RPS6KA3: variants seen among roughly 807,000 people sequenced by gnomAD.
RPS6KA3 encodes the protein ribosomal protein S6 kinase alpha-3.
Under a neutral mutation model 67.2 loss-of-function variants are expected in RPS6KA3, and 4 were observed. The ratio of observed to expected loss-of-function variants is 0.06; its 90% CI spans 0.03 to 0.14. The LOEUF (loss-of-function observed/expected upper bound fraction) is 0.14, where lower values mean the gene tolerates loss of function less well. Among genes scored for constraint, RPS6KA3 ranks in the 10% least tolerant of loss-of-function variants. RPS6KA3 has a pLI of 1.00. For missense variants in RPS6KA3, 204 were observed against 559.0 expected (o/e 0.36, Z 6.40); for synonymous variants, 182 against 183.7 (o/e 0.99, Z 0.07).
chrX:20,212,210 G>A (rs2068733518), intron 2 of RPS6KA3, among the ~76,000 whole-genome samples: 1 of 111,747 alleles, frequency 8.9e-6, no homozygotes, highest in Non-Finnish European at 1.9e-5. Flanking sequence ...AAAAAATGCA[G>A]AGTCTGGCTG....
At chrX:20,223,896 T>C (rs2069046468) in intron 2 of RPS6KA3, among the ~76,000 whole-genome samples, 1 of 112,395 alleles carries the variant, frequency 8.9e-6, no homozygotes, top group South Asian at 3.7e-4. Context: ...TTATATTTAA[T>C]TCCTTCCTCT....
chrX:20,208,356 CCT>C (rs1405193061), intron 3 of RPS6KA3, among the ~76,000 whole-genome samples: 1 of 110,558 alleles, frequency 9.0e-6, no homozygotes, highest in Admixed American at 9.6e-5. Context: ...CAGAAGTGCC[CCT>C]GAGGTGTGCA....
At chrX:20,256,553 ATTTTG>A (rs1213507730) in intron 1 of RPS6KA3, among the ~76,000 whole-genome samples, 5 of 111,769 alleles carry the variant, frequency 4.5e-5, no homozygotes, top group Non-Finnish European at 7.5e-5. Context: ...AACGTTAGAC[ATTTTG>A]TTTTATTTGT....
intron 2 of RPS6KA3, among the ~76,000 whole-genome samples, chrX:20,217,714 CTAAAT>C (rs1164394926): frequency 8.9e-6 from 1 of 111,948 alleles, no homozygotes; most frequent in Non-Finnish European, 1.9e-5. Flanking sequence ...AAATGTCATT[CTAAAT>C]TAAACTATCA....
chrX:20,223,805 T>A (rs2069043987), intron 2 of RPS6KA3, among the ~76,000 whole-genome samples: 2 of 112,234 alleles, frequency 1.8e-5, no homozygotes, highest in Admixed American at 9.4e-5. Flanking sequence ...TATCTGTGCT[T>A]ATATCCTGTT....
At chrX:20,176,659 T>C (rs2067707937) in intron 11 of RPS6KA3, among the ~76,000 whole-genome samples, 161 bp from the exon 12 acceptor site, 1 of 111,038 alleles carries the variant, frequency 9.0e-6, no homozygotes, top group South Asian at 3.8e-4. Context: ...TGGTGTGATC[T>C]CAGTTCACTG....
At chrX:20,260,426 T>C (rs1444432670) in intron 1 of RPS6KA3, among the ~76,000 whole-genome samples, 1 of 111,987 alleles carries the variant, frequency 8.9e-6, no homozygotes, top group African/African-American at 3.2e-5. Context: ...CAAACTTTCC[T>C]TTCTTCCTTC....
At chrX:20,252,290 A>C (rs986305976) in intron 1 of RPS6KA3, among the ~76,000 whole-genome samples, 1 of 112,233 alleles carries the variant, frequency 8.9e-6, no homozygotes, top group African/African-American at 3.2e-5. Flanking sequence ...GAATTATCAC[A>C]GTGATGATGT....
At chrX:20,258,376 T>A (rs1051720485) in intron 1 of RPS6KA3, among the ~76,000 whole-genome samples, 1 of 112,285 alleles carries the variant, frequency 8.9e-6, no homozygotes, top group Non-Finnish European at 1.9e-5. Context: ...TGAAGTAACA[T>A]TCTAGGTAGC....
chrX:20,171,465 T>C (rs764404301), intron 15 of RPS6KA3, among the ~76,000 whole-genome samples: 1 of 111,968 alleles, frequency 8.9e-6, no homozygotes, highest in East Asian at 2.8e-4. Context: ...GGGACTAGTC[T>C]TTTGAAAACC....
chrX:20,159,912 G>A (rs757909622), intron 20 of RPS6KA3, among the ~76,000 whole-genome samples: 1 of 111,145 alleles, frequency 9.0e-6, no homozygotes, highest in African/African-American at 3.3e-5. Context: ...TCCTCAGCAC[G>A]AGCCACAAAG....
chrX:20,229,214 T>TTCTTC (rs111477366), intron 2 of RPS6KA3, among the ~76,000 whole-genome samples: 3,316 of 111,284 alleles, frequency 0.03, 130 homozygotes, highest in African/African-American at 0.098. Context: ...GGACCCAGAT[T>TTCTTC]TCTTATTATC....
rs1485618059 is a variant in RPS6KA3, at chrX:20,155,925, T to G, written c.2100+184A>C. On this transcript the variant is annotated intron_variant, in intron 21 of 21. Coordinates refer to ENST00000379565, the MANE Select transcript of RPS6KA3 (RefSeq NM_004586.3). ...CTGAGAGGAATTCAAAAGTCGCTCT[T>G]AAACTAGTTTTATTACTAATATATT... is the stretch of plus-strand genomic sequence containing the variant. 2.7e-5 allele frequency among the ~76,000 whole-genome samples: 3 copies of G among 112,493 alleles called. No individual in the cohort carries two copies. In the Admixed American group the frequency reaches 2.8e-4, roughly 11 times the overall value.
chrX:20,155,571 C>T (rs758512651), intron 21 of RPS6KA3, 51 bp from the exon 22 acceptor site: 8 of 1,151,476 alleles, frequency 6.9e-6, no homozygotes, highest in South Asian at 3.6e-5. Context: ...GATAGTCACA[C>T]GTACACAAAT....
In RPS6KA3 at chrX:20,154,719, C is replaced by G. The variant is rs953525604; in HGVS notation, c.*679G>C. 3 of 113,430 alleles carry G rather than the reference C, an allele frequency of 2.6e-5. No individual in the cohort carries two copies. The highest frequency in any genetic ancestry group is 5.6e-5 in the Non-Finnish European group (3 of 53,899). 9.3% of individuals were successfully genotyped at this position (113,430 alleles called of 1,213,427 possible). A position where few individuals can be genotyped will look rare whatever the true frequency, so the allele number is the denominator to read the frequency against. On this transcript the variant is annotated 3_prime_UTR_variant, in exon 22 of 22. Coordinates refer to ENST00000379565, the MANE Select transcript of RPS6KA3 (RefSeq NM_004586.3). Reference sequence around the variant, plus strand: ...CAAACAAATGAACGAACCAGTGAAACAGACGTGGGGAAAGATATGTACATT... The same window carrying G: ...CAAACAAATGAACGAACCAGTGAAAGAGACGTGGGGAAAGATATGTACATT...
chrX:20,200,468 A>T (rs2068397451), intron 4 of RPS6KA3, among the ~76,000 whole-genome samples: 1 of 111,818 alleles, frequency 8.9e-6, no homozygotes, highest in Non-Finnish European at 1.9e-5. Context: ...TTAAGAACAC[A>T]TTCACAATTA....
intron 11 of RPS6KA3, 56 bp downstream of exon 11, chrX:20,176,940 G>T (rs914397554): frequency 1.0e-5 from 9 of 878,949 alleles, no homozygotes; most frequent in Non-Finnish European, 1.3e-5. Flanking sequence ...TCTACTCCCC[G>T]CTAAAAACAA....
chrX:20,175,901 C>T (rs1473638343), intron 13 of RPS6KA3, among the ~76,000 whole-genome samples: 1 of 110,836 alleles, frequency 9.0e-6, no homozygotes, highest in Non-Finnish European at 1.9e-5. Flanking sequence ...GACAGAGTGT[C>T]GCTCTGTCAC....
intron 3 of RPS6KA3, among the ~76,000 whole-genome samples, chrX:20,207,419 T>A (rs183772676): frequency 1.8e-5 from 2 of 112,076 alleles, no homozygotes; most frequent in African/African-American, 3.2e-5. Flanking sequence ...TTTTAAGACA[T>A]AGAAAAAGAG....
Sources: allele counts gnomAD v4.1 joint callset (sites outside exome capture counted in the v4.1 genomes callset), GRCh38; gene constraint gnomAD v4.1.1; transcripts MANE v1.5; gene names NCBI Gene and HGNC (gene_info 2026-07-23, HGNC 2026-07-21).